RAB2A: variants seen among roughly 807,000 people sequenced by gnomAD.
RAB2A encodes RAB2A, member RAS oncogene family.
RAB2A carries 7 observed loss-of-function variants against 32.5 expected under a neutral mutation model. The observed-to-expected ratio is 0.22, with a 90% CI of 0.12 to 0.40. The LOEUF (loss-of-function observed/expected upper bound fraction) is 0.40, where lower values mean the gene tolerates loss of function less well. RAB2A is among the 10% of genes least tolerant of loss of function. The pLI is 1.00. For synonymous variants in RAB2A, 79 were observed against 85.2 expected, an observed-to-expected ratio of 0.93 and a Z score of 0.40; for missense variants, 108 against 260.7, an observed-to-expected ratio of 0.41 and a Z score of 4.03.
At chr8:60,584,860 CTG>C in intron 5 of RAB2A, 45 bp downstream of exon 5, 2 of 1,356,808 alleles carry the variant, frequency 1.5e-6, no homozygotes, top group Non-Finnish European at 2.1e-6. Context: ...GTGATGAAGA[CTG>C]TACTGTTTAT....
chr8:60,607,403 TG>T (rs1804251774), intron 6 of RAB2A, among the ~76,000 whole-genome samples: 1 of 123,782 alleles, frequency 8.1e-6, no homozygotes, highest in Non-Finnish European at 1.6e-5. Context: ...CACTCCAGCC[TG>T]GGCGACAGAG....
At chr8:60,534,346 C>T (rs1280642783) in intron 1 of RAB2A, among the ~76,000 whole-genome samples, 2 of 152,106 alleles carry the variant, frequency 1.3e-5, no homozygotes, top group African/African-American at 2.4e-5. Context: ...GTAGTCCTAG[C>T]TACTAGGAAG....
chr8:60,545,191 G>A (rs566398746), intron 1 of RAB2A, among the ~76,000 whole-genome samples: 18 of 149,338 alleles, frequency 1.2e-4, no homozygotes, highest in South Asian at 1.1e-3. Context: ...GCACCTACTC[G>A]TATTTCTTGT....
At chr8:60,605,840 C>CATATATAT (rs1003742324) in intron 6 of RAB2A, among the ~76,000 whole-genome samples, 4 of 136,786 alleles carry the variant, frequency 2.9e-5, no homozygotes, top group African/African-American at 1.3e-4. Context: ...TACATATATA[C>CATATATAT]ATATATATAT....
chr8:60,603,904 AAAG>A (rs1804179707), intron 6 of RAB2A, among the ~76,000 whole-genome samples: 1 of 152,148 alleles, frequency 6.6e-6, no homozygotes, highest in Non-Finnish European at 1.5e-5. Flanking sequence ...AAAGAAAAGA[AAAG>A]AAGAAAGAAA....
At chr8:60,518,842 TA>T (rs1203116440) in intron 1 of RAB2A, among the ~76,000 whole-genome samples, 1 of 152,170 alleles carries the variant, frequency 6.6e-6, no homozygotes, top group Non-Finnish European at 1.5e-5. Context: ...AATGCCACAT[TA>T]ACTGTAATAT....
chr8:60,523,722 G>A (rs956990282), intron 1 of RAB2A, among the ~76,000 whole-genome samples: 3 of 138,958 alleles, frequency 2.2e-5, no homozygotes, highest in Non-Finnish European at 3.1e-5. Flanking sequence ...GACAAGTCTC[G>A]CTTTGTCGCC....
intron 3 of RAB2A, among the ~76,000 whole-genome samples, chr8:60,575,055 C>G (rs1808250299): frequency 1.4e-5 from 2 of 143,356 alleles, no homozygotes; most frequent in Admixed American, 6.9e-5. Context: ...GAGTCTTTGT[C>G]TTACAGGTTT....
intron 1 of RAB2A, among the ~76,000 whole-genome samples, chr8:60,539,360 CATTATCTCTTTTATTACAT>C (rs941194207): frequency 6.6e-5 from 10 of 152,178 alleles, no homozygotes; most frequent in African/African-American, 2.2e-4. Flanking sequence ...TTCCTAGATG[CATTATCTCTTTTATTACAT>C]ATTATCTCTT....
At chr8:60,609,522 T>C (rs1804299985) in intron 6 of RAB2A, among the ~76,000 whole-genome samples, 1 of 152,250 alleles carries the variant, frequency 6.6e-6, no homozygotes, top group Admixed American at 6.5e-5. Flanking sequence ...AACAAAAGTT[T>C]GGATGAGTAA....
chr8:60,557,555 T>C (rs1026933678), intron 1 of RAB2A, among the ~76,000 whole-genome samples: 3 of 151,964 alleles, frequency 2.0e-5, no homozygotes, highest in Admixed American at 2.0e-4. Context: ...TTTTCTTCAT[T>C]CCTTTTGTCT....
At chr8:60,593,924 TA>T (rs60039535) in intron 6 of RAB2A, among the ~76,000 whole-genome samples, 8 of 149,986 alleles carry the variant, frequency 5.3e-5, no homozygotes, top group African/African-American at 7.3e-5. Context: ...AATTTTAAAA[TA>T]AAAAAAAATA....
chr8:60,518,628 A>C (rs1340592595), intron 1 of RAB2A, among the ~76,000 whole-genome samples: 1 of 141,904 alleles, frequency 7.0e-6, no homozygotes, highest in South Asian at 2.2e-4. Flanking sequence ...AAAAAAGCAT[A>C]TTTATTGCTG....
At chr8:60,568,150 C>T (rs183730789) in intron 2 of RAB2A, among the ~76,000 whole-genome samples, 90 of 152,250 alleles carry the variant, frequency 5.9e-4, no homozygotes, top group African/African-American at 2.1e-3. Context: ...CCATATGTTA[C>T]CATGCTGGTA....
rs1314603382 is a variant in RAB2A at position 60,583,638 on chromosome 8, G to C, written c.187-570G>C. Among the ~76,000 whole-genome samples, 12 of 152,178 alleles carry C rather than the reference G, an allele frequency of 7.9e-5. No individual in the cohort carries two copies. In the East Asian group the frequency reaches 2.3e-3, roughly 29 times the overall value. ...GATTGCTCAAAGAATTCCATTTGAT[G>C]ACTGTTGAAAGCTCACTGCAGTTTA... On this transcript the variant is annotated intron_variant, in intron 3 of 7. Transcript: ENST00000262646.
chr8:60,527,776 G>A (rs1430979758), intron 1 of RAB2A, among the ~76,000 whole-genome samples: 1 of 151,976 alleles, frequency 6.6e-6, no homozygotes, highest in Non-Finnish European at 1.5e-5. Flanking sequence ...CTTAGTAACT[G>A]CTGACATTGA....
At chr8:60,613,248 C>T (rs571698642) in intron 6 of RAB2A, among the ~76,000 whole-genome samples, 1 of 152,264 alleles carries the variant, frequency 6.6e-6, no homozygotes, top group African/African-American at 2.4e-5. Context: ...AGGGCACATA[C>T]ACATTTAGCA....
chr8:60,542,984 A>T (rs1807670338), intron 1 of RAB2A, among the ~76,000 whole-genome samples: 1 of 152,228 alleles, frequency 6.6e-6, no homozygotes, highest in Non-Finnish European at 1.5e-5. Context: ...TTCACTGGGC[A>T]GCCTTCTCAA....
intron 5 of RAB2A, among the ~76,000 whole-genome samples, chr8:60,588,751 A>C (rs575058784): frequency 6.6e-6 from 1 of 152,316 alleles, no homozygotes; most frequent in East Asian, 1.9e-4. Context: ...ACATATCTTA[A>C]AACTCAACAA....
Sources: gnomAD v4.1 joint callset for allele counts (sites outside exome capture counted in the v4.1 genomes callset) on GRCh38, gnomAD v4.1.1 for gene constraint, MANE v1.5 for transcripts, NCBI Gene and HGNC (gene_info 2026-07-23, HGNC 2026-07-21) for gene names.